THSD7B: variants seen among roughly 807,000 people sequenced by gnomAD.
The protein encoded by THSD7B is thrombospondin type 1 domain containing 7B, also known as thrombospondin type-1 domain-containing protein 7B.
A neutral mutation model predicts 213.6 loss-of-function variants in THSD7B; 138 were observed. The observed-to-expected ratio is 0.65, with a 90% CI of 0.56 to 0.74. The LOEUF is 0.74. Among genes scored for constraint, THSD7B ranks in the 30% least tolerant of loss-of-function variants. THSD7B has a pLI of 0.00. For synonymous variants in THSD7B, 742 were observed against 687.0 expected (o/e 1.08, Z -1.25); for missense variants, 1,931 against 1,991.5 (o/e 0.97, Z 0.58).
chr2:136,961,124 G>A (rs1685210937), intron 2 of THSD7B, among the ~76,000 whole-genome samples: 1 of 146,870 alleles, frequency 6.8e-6, no homozygotes, highest in Non-Finnish European at 1.5e-5. Flanking sequence ...GAAAATGTGA[G>A]ACTGGGCAGA....
At chr2:136,891,523 C>A (rs558999971) in intron 2 of THSD7B, among the ~76,000 whole-genome samples, 1 of 152,268 alleles carries the variant, frequency 6.6e-6, no homozygotes, top group South Asian at 2.1e-4. Context: ...AAGATGCTCC[C>A]AAATACAGTG....
chr2:137,596,797 G>T (rs1057477750), intron 17 of THSD7B, among the ~76,000 whole-genome samples: 1 of 151,014 alleles, frequency 6.6e-6, no homozygotes, highest in African/African-American at 2.4e-5. Context: ...ATGTTCTGTG[G>T]TCCAGTAACA....
intron 3 of THSD7B, among the ~76,000 whole-genome samples, chr2:137,089,450 G>A (rs1008604759): frequency 6.6e-6 from 1 of 151,224 alleles, no homozygotes; most frequent in Non-Finnish European, 1.5e-5. Flanking sequence ...ATGTGCGTGT[G>A]TGTGTATAAG....
chr2:137,657,039 A>G (rs1031757279), intron 23 of THSD7B, 26 bp from the exon 24 acceptor site: 22 of 1,613,644 alleles, frequency 1.4e-5, no homozygotes, highest in Non-Finnish European at 1.7e-5. Context: ...GTGTAATAGA[A>G]CTGCTATTAT....
intron 15 of THSD7B, among the ~76,000 whole-genome samples, chr2:137,495,909 G>A (rs921148180): frequency 6.6e-6 from 1 of 152,046 alleles, no homozygotes; most frequent in Non-Finnish European, 1.5e-5. Flanking sequence ...AAATTTATTG[G>A]CCAATTTTAT....
At chr2:137,376,130 G>C (rs982493636) in intron 12 of THSD7B, among the ~76,000 whole-genome samples, 1 of 152,162 alleles carries the variant, frequency 6.6e-6, no homozygotes, top group Admixed American at 6.5e-5. Context: ...TGGGAGAATA[G>C]CAAATTACTT....
At chr2:137,288,696 AG>A (rs1352251841) in intron 12 of THSD7B, among the ~76,000 whole-genome samples, 1 of 152,090 alleles carries the variant, frequency 6.6e-6, no homozygotes, top group African/African-American at 2.4e-5. Flanking sequence ...GACATTAAAA[AG>A]TTCACATCAA....
At chr2:136,961,520 T>C (rs1174427552) in intron 2 of THSD7B, among the ~76,000 whole-genome samples, 1 of 152,112 alleles carries the variant, frequency 6.6e-6, no homozygotes, top group Non-Finnish European at 1.5e-5. Flanking sequence ...GCTCCCAGCC[T>C]GTATTTTTCA....
At chr2:137,137,160 T>A (rs1347662772) in intron 5 of THSD7B, among the ~76,000 whole-genome samples, 3 of 152,180 alleles carry the variant, frequency 2.0e-5, no homozygotes, top group Non-Finnish European at 2.9e-5. Flanking sequence ...ATCACTGAGG[T>A]GTAATTTACA....
chr2:137,130,921 A>G (rs1047949300), intron 5 of THSD7B, among the ~76,000 whole-genome samples: 7 of 151,600 alleles, frequency 4.6e-5, no homozygotes, highest in African/African-American at 1.7e-4. Context: ...GTCAAATGGT[A>G]TTTCTAGTTC....
intron 12 of THSD7B, among the ~76,000 whole-genome samples, chr2:137,381,525 T>A (rs1685775887): frequency 6.6e-6 from 1 of 152,030 alleles, no homozygotes. Context: ...GAAAAAGAAT[T>A]AGAGGCTGCT....
intron 15 of THSD7B, among the ~76,000 whole-genome samples, chr2:137,483,572 T>C (rs1324089617): frequency 6.6e-6 from 1 of 152,218 alleles, no homozygotes; most frequent in Non-Finnish European, 1.5e-5. Flanking sequence ...TCTATTATTG[T>C]CTATTTATTT....
At chr2:137,073,440 C>T (rs1687543550) in intron 3 of THSD7B, among the ~76,000 whole-genome samples, 1 of 152,004 alleles carries the variant, frequency 6.6e-6, no homozygotes. Flanking sequence ...TCTGTGGGAT[C>T]AGTGGTGATA....
intron 15 of THSD7B, among the ~76,000 whole-genome samples, chr2:137,451,843 G>T (rs2105067268): frequency 6.6e-6 from 1 of 152,114 alleles, no homozygotes; most frequent in East Asian, 1.9e-4. Context: ...TTTTTAGACA[G>T]GTGAAGTGTG....
At chr2:137,288,096 T>C (rs554626411) in intron 12 of THSD7B, among the ~76,000 whole-genome samples, 3 of 152,144 alleles carry the variant, frequency 2.0e-5, no homozygotes, top group African/African-American at 4.8e-5. Flanking sequence ...GTAATGTTTG[T>C]ACTTTTTTTG....
intron 1 of THSD7B, among the ~76,000 whole-genome samples, chr2:136,871,009 A>C (rs903141044): frequency 4.1e-5 from 4 of 96,798 alleles, no homozygotes; most frequent in African/African-American, 1.7e-4. Flanking sequence ...GATACTGGAT[A>C]GATTGCAAAG....
intron 7 of THSD7B, among the ~76,000 whole-genome samples, chr2:137,185,587 G>A (rs187012228): frequency 5.3e-5 from 8 of 152,162 alleles, no homozygotes; most frequent in South Asian, 2.1e-4. Context: ...CCTTTTATAC[G>A]GCTGCATAGT....
At chr2:136,981,707 C>T (rs1231871906) in intron 2 of THSD7B, among the ~76,000 whole-genome samples, 1 of 152,152 alleles carries the variant, frequency 6.6e-6, no homozygotes, top group East Asian at 1.9e-4. Context: ...TCCTCTTTAT[C>T]ATCAACTTCT....
intron 17 of THSD7B, among the ~76,000 whole-genome samples, chr2:137,596,932 G>A (rs181174311): frequency 1.2e-4 from 18 of 152,216 alleles, no homozygotes; most frequent in Admixed American, 3.3e-4. Flanking sequence ...TAGAGAATGT[G>A]TATTGCCATA....
Sources: gnomAD v4.1 joint callset for allele counts (sites outside exome capture counted in the v4.1 genomes callset) on GRCh38, gnomAD v4.1.1 for gene constraint, MANE v1.5 for transcripts, NCBI Gene and HGNC (gene_info 2026-07-23, HGNC 2026-07-21) for gene names.